RBFOX1: variants seen among roughly 807,000 people sequenced by gnomAD.
RBFOX1 encodes RNA binding fox-1 homolog 1.
RBFOX1 carries 8 observed loss-of-function variants against 57.7 expected under a neutral mutation model. That is an observed-to-expected ratio of 0.14 (90% CI 0.08 to 0.25). RBFOX1 has a LOEUF of 0.25. RBFOX1 is among the 10% of genes least tolerant of loss of function. The pLI is 1.00. For missense variants in RBFOX1, 611 were observed against 548.5 expected (o/e 1.11, Z -1.14); for synonymous variants, 326 against 222.4 (o/e 1.47, Z -4.15).
intron 2 of RBFOX1, among the ~76,000 whole-genome samples, chr16:6,450,812 T>TACAC (rs1567303360): frequency 5.7e-5 from 1 of 17,530 alleles, no homozygotes; most frequent in Non-Finnish European, 8.3e-5. Context: ...TATATATATA[T>TACAC]ATATACATAT....
chr16:7,579,741 A>G, intron 5 of RBFOX1, 36 bp from the exon 6 acceptor site: 1 of 1,613,616 alleles, frequency 6.2e-7, no homozygotes, highest in East Asian at 2.2e-5. Flanking sequence ...ACTGTGGTCC[A>G]CTGAGAACCT....
At chr16:7,038,394 A>C (rs772623041) in intron 3 of RBFOX1, among the ~76,000 whole-genome samples, 2 of 152,214 alleles carry the variant, frequency 1.3e-5, no homozygotes, top group African/African-American at 2.4e-5. Context: ...TCATCTTTGT[A>C]ATAACTGCAA....
intron 1 of RBFOX1, among the ~76,000 whole-genome samples, chr16:6,177,960 A>C (rs993319407): frequency 4.0e-5 from 6 of 150,376 alleles, no homozygotes; most frequent in Admixed American, 3.3e-4. Context: ...ATTTATCCTG[A>C]AGATGGAGCC....
At chr16:5,785,714 A>C (rs2054476678) in intron 3 of RBFOX1, among the ~76,000 whole-genome samples, 1 of 151,974 alleles carries the variant, frequency 6.6e-6, no homozygotes, top group Non-Finnish European at 1.5e-5. Flanking sequence ...TTTAATAGAG[A>C]CAGGGTTTCT....
intron 4 of RBFOX1, among the ~76,000 whole-genome samples, chr16:5,871,407 A>G (rs2057466892): frequency 1.3e-5 from 2 of 152,196 alleles, no homozygotes; most frequent in African/African-American, 4.8e-5. Context: ...CAGCACACAC[A>G]TATTTGCACA....
At chr16:6,679,164 C>G (rs935479104) in intron 3 of RBFOX1, among the ~76,000 whole-genome samples, 1 of 152,098 alleles carries the variant, frequency 6.6e-6, no homozygotes, top group Non-Finnish European at 1.5e-5. Context: ...GTGTTCCACC[C>G]ATTCAGTCTG....
At chr16:7,687,561 GT>G (rs2076326929) in intron 14 of RBFOX1, among the ~76,000 whole-genome samples, 1 of 151,954 alleles carries the variant, frequency 6.6e-6, no homozygotes, top group Non-Finnish European at 1.5e-5. Flanking sequence ...TGCATATTAT[GT>G]TTAATATTCA....
At chr16:6,106,320 G>T (rs1251890227) in intron 1 of RBFOX1, among the ~76,000 whole-genome samples, 4 of 151,912 alleles carry the variant, frequency 2.6e-5, no homozygotes, top group Admixed American at 2.0e-4. Context: ...AATTAGTCAG[G>T]CTTGATGACA....
At chr16:6,562,831 CTT>C (rs779899531) in intron 2 of RBFOX1, among the ~76,000 whole-genome samples, 3,503 of 88,134 alleles carry the variant, frequency 0.04, 686 homozygotes, top group African/African-American at 0.12. Flanking sequence ...ATTCTTGATT[CTT>C]TTCTTTCTTT....
chr16:6,901,721 T>C (rs1281208130), intron 3 of RBFOX1, among the ~76,000 whole-genome samples: 1 of 152,180 alleles, frequency 6.6e-6, no homozygotes, highest in African/African-American at 2.4e-5. Context: ...GAAGCTCATT[T>C]GCTTATTTGA....
intron 3 of RBFOX1, among the ~76,000 whole-genome samples, chr16:5,814,172 C>A (rs1012630612): frequency 6.6e-6 from 1 of 152,166 alleles, no homozygotes; most frequent in African/African-American, 2.4e-5. Context: ...TGAGGCCCGC[C>A]TGTGCTGCCC....
At chr16:7,238,385 G>A (rs960760954) in intron 4 of RBFOX1, among the ~76,000 whole-genome samples, 1 of 152,110 alleles carries the variant, frequency 6.6e-6, no homozygotes, top group African/African-American at 2.4e-5. Flanking sequence ...TCTGCTTTCT[G>A]CACATCTGCC....
intron 4 of RBFOX1, among the ~76,000 whole-genome samples, chr16:7,411,563 G>C (rs745431013): frequency 8.5e-5 from 13 of 152,192 alleles, no homozygotes; most frequent in African/African-American, 1.2e-4. Flanking sequence ...TCAACTTCCA[G>C]TTGAGGGACA....
chr16:5,511,641 C>G (rs1308424476), intron 2 of RBFOX1, among the ~76,000 whole-genome samples: 1 of 152,110 alleles, frequency 6.6e-6, no homozygotes, highest in African/African-American at 2.4e-5. Context: ...CAGTTTATCC[C>G]CATTTTATAG....
At chr16:6,891,862 G>T (rs117781840) in intron 3 of RBFOX1, among the ~76,000 whole-genome samples, 3 of 152,158 alleles carry the variant, frequency 2.0e-5, no homozygotes, top group African/African-American at 7.2e-5. Flanking sequence ...TTAGTGGACA[G>T]CAAGGCCAGC....
intron 2 of RBFOX1, among the ~76,000 whole-genome samples, chr16:5,588,623 C>A (rs925346989): frequency 6.6e-6 from 1 of 152,146 alleles, no homozygotes; most frequent in East Asian, 1.9e-4. Context: ...GTCCTCAGCA[C>A]GTCCCCATGT....
chr16:5,568,160 C>G (rs137888596), intron 2 of RBFOX1, among the ~76,000 whole-genome samples: 2 of 152,324 alleles, frequency 1.3e-5, no homozygotes, highest in African/African-American at 4.8e-5. Flanking sequence ...TCAAATGTCT[C>G]CAGCCTTCCC....
intron 4 of RBFOX1, among the ~76,000 whole-genome samples, chr16:5,940,215 C>T (rs886740844): frequency 6.6e-6 from 1 of 152,184 alleles, no homozygotes; most frequent in Non-Finnish European, 1.5e-5. Flanking sequence ...GAAACCATCT[C>T]TAGTTGTGTG....
At chr16:6,493,459 C>T (rs977187301) in intron 2 of RBFOX1, among the ~76,000 whole-genome samples, 18 of 152,056 alleles carry the variant, frequency 1.2e-4, no homozygotes, top group Non-Finnish European at 1.9e-4. Context: ...TGTCAGGGAC[C>T]GTAGGCTGCT....
Sources: allele counts gnomAD v4.1 joint callset (sites outside exome capture counted in the v4.1 genomes callset), GRCh38; gene constraint gnomAD v4.1.1; transcripts MANE v1.5; gene names NCBI Gene and HGNC (gene_info 2026-07-23, HGNC 2026-07-21).